SWAP70: variants seen among roughly 807,000 people sequenced by gnomAD.
SWAP70 encodes the protein switch-associated protein 70.
SWAP70 carries 34 observed loss-of-function variants against 80.2 expected under a neutral mutation model. The ratio of observed to expected loss-of-function variants is 0.42; its 90% CI spans 0.32 to 0.56. The LOEUF is 0.56. Among genes scored for constraint, SWAP70 ranks in the 20% least tolerant of loss-of-function variants. The pLI is 0.09. For synonymous variants in SWAP70, 239 were observed against 238.5 expected (o/e 1.00, Z -0.02); for missense variants, 578 against 690.7 (o/e 0.84, Z 1.83).
intron 4 of SWAP70, 100 bp from the exon 5 acceptor site, chr11:9,727,953 T>A: frequency 8.7e-7 from 1 of 1,154,210 alleles, no homozygotes; most frequent in Non-Finnish European, 1.2e-6. Flanking sequence ...GTTTTCAGGA[T>A]CATATATCAA....
At chr11:9,730,288 A>G (rs1190179570) in intron 6 of SWAP70, among the ~76,000 whole-genome samples, 1 of 151,252 alleles carries the variant, frequency 6.6e-6, no homozygotes, top group Non-Finnish European at 1.5e-5. Flanking sequence ...TGGGAGATCG[A>G]GACCATCCTG....
chr11:9,684,706 A>G (rs1850609365), intron 1 of SWAP70, among the ~76,000 whole-genome samples: 2 of 152,202 alleles, frequency 1.3e-5, no homozygotes, highest in Admixed American at 6.5e-5. Context: ...GATTCCAATT[A>G]AAAATTCTTC....
intron 1 of SWAP70, among the ~76,000 whole-genome samples, chr11:9,680,487 C>T (rs1850553612): frequency 6.6e-6 from 1 of 152,176 alleles, no homozygotes; most frequent in African/African-American, 2.4e-5. Context: ...ATGATCTTGG[C>T]TCACTGCAAC....
At chr11:9,707,876 TTA>T (rs199796766) in intron 2 of SWAP70, among the ~76,000 whole-genome samples, 33,330 of 147,392 alleles carry the variant, frequency 0.23, 4,836 homozygotes, top group Non-Finnish European at 0.32. Context: ...TTTAAAAAAT[TTA>T]AAAAAAAATT....
At chr11:9,732,817 AG>A in intron 7 of SWAP70, 107 bp downstream of exon 7, 1 of 1,077,712 alleles carries the variant, frequency 9.3e-7, no homozygotes, top group Non-Finnish European at 1.3e-6. Flanking sequence ...GTGCAGTTTT[AG>A]GGAGATACTT....
At chr11:9,682,595 A>G (rs1850581244) in intron 1 of SWAP70, among the ~76,000 whole-genome samples, 1 of 152,340 alleles carries the variant, frequency 6.6e-6, no homozygotes, top group Admixed American at 6.5e-5. Context: ...TTCTTTTTAT[A>G]AATGTTTAGA....
intron 1 of SWAP70, among the ~76,000 whole-genome samples, chr11:9,671,421 A>ATAT (rs1565109247): frequency 2.3e-5 from 2 of 86,362 alleles, no homozygotes; most frequent in South Asian, 4.1e-4. Flanking sequence ...TATATTTATA[A>ATAT]ATATATATAT....
At chr11:9,674,386 A>G (rs190496156) in intron 1 of SWAP70, among the ~76,000 whole-genome samples, 2 of 152,216 alleles carry the variant, frequency 1.3e-5, no homozygotes, top group East Asian at 3.9e-4. Context: ...AAATCGAACT[A>G]TAGAACACAG....
chr11:9,679,825 C>T (rs186588394), intron 1 of SWAP70, among the ~76,000 whole-genome samples: 91 of 152,104 alleles, frequency 6.0e-4, no homozygotes, highest in Middle Eastern at 3.4e-3. Context: ...CCCGCCACCA[C>T]GCCTGGCAAA....
intron 1 of SWAP70, among the ~76,000 whole-genome samples, 194 bp downstream of exon 1, chr11:9,664,472 C>A (rs575230557): frequency 6.6e-6 from 1 of 152,370 alleles, no homozygotes; most frequent in East Asian, 1.9e-4. Flanking sequence ...GCCTTCGGGC[C>A]ATGCCCTCGG....
At chr11:9,719,631 A>G (rs1368434976) in intron 3 of SWAP70, among the ~76,000 whole-genome samples, 1 of 152,258 alleles carries the variant, frequency 6.6e-6, no homozygotes, top group African/African-American at 2.4e-5. Context: ...TGACTTACAT[A>G]GTGAAGTTAA....
chr11:9,721,381 A>G (rs2133802502), intron 3 of SWAP70, among the ~76,000 whole-genome samples: 1 of 152,216 alleles, frequency 6.6e-6, no homozygotes, highest in East Asian at 1.9e-4. Context: ...TGCTGTTTTT[A>G]GGGTATAAGA....
intron 10 of SWAP70, 87 bp downstream of exon 10, chr11:9,748,143 A>G (rs1255202481): frequency 1.5e-6 from 2 of 1,352,250 alleles, no homozygotes; most frequent in South Asian, 1.3e-5. Flanking sequence ...AGCTGCCAAT[A>G]TGAAGCTGTA....
At position 9,752,509 on chromosome 11, in the gene SWAP70, C is replaced by G. The variant is rs1483375459; in HGVS notation, c.*2539C>G. On this transcript the variant is annotated 3_prime_UTR_variant, in exon 12 of 12. Coordinates refer to ENST00000318950, the MANE Select transcript of SWAP70 (RefSeq NM_015055.4). Reference sequence around the variant, plus strand: ...AATATCCTTTTAAACAGTGCTTTGGCTAAGATAGATACTTGTGAATCAAAG... The same window carrying G: ...AATATCCTTTTAAACAGTGCTTTGGGTAAGATAGATACTTGTGAATCAAAG... 6.6e-6 allele frequency: 1 copy of G among 152,222 alleles called. No individual in the cohort carries two copies. The highest frequency in any genetic ancestry group is 1.5e-5 in the Non-Finnish European group (1 of 68,048). 9.4% of individuals were successfully genotyped at this position (152,222 alleles called of 1,614,324 possible). A position where few individuals can be genotyped will look rare whatever the true frequency, so the allele number is the denominator to read the frequency against.
intron 2 of SWAP70, among the ~76,000 whole-genome samples, chr11:9,708,349 G>A (rs1850951059): frequency 6.6e-6 from 1 of 152,146 alleles, no homozygotes. Context: ...TAACAGGTGT[G>A]AGGTGATATC....
At chr11:9,686,459 C>T (rs1850634447) in intron 1 of SWAP70, among the ~76,000 whole-genome samples, 3 of 151,960 alleles carry the variant, frequency 2.0e-5, no homozygotes, top group Non-Finnish European at 2.9e-5. Flanking sequence ...CTCCTGGGCT[C>T]ATTTGATTCT....
At chr11:9,674,781 G>A (rs540669367) in intron 1 of SWAP70, among the ~76,000 whole-genome samples, 1 of 151,712 alleles carries the variant, frequency 6.6e-6, no homozygotes, top group South Asian at 2.1e-4. Flanking sequence ...TGGCTAACAC[G>A]GTGAAACCCC....
At chr11:9,711,584 G>A (rs1413593248) in intron 2 of SWAP70, among the ~76,000 whole-genome samples, 1 of 152,166 alleles carries the variant, frequency 6.6e-6, no homozygotes, top group Non-Finnish European at 1.5e-5. Flanking sequence ...TCAGCCAGTA[G>A]AACTTTGAAT....
chr11:9,694,325 G>A (rs1215725714), intron 2 of SWAP70, 39 bp downstream of exon 2: 2 of 1,552,674 alleles, frequency 1.3e-6, no homozygotes, highest in South Asian at 2.5e-5. Context: ...GCATTGTTTG[G>A]TTTGCATGTT....
Sources: allele counts gnomAD v4.1 joint callset (sites outside exome capture counted in the v4.1 genomes callset), GRCh38; gene constraint gnomAD v4.1.1; transcripts MANE v1.5; gene names NCBI Gene and HGNC (gene_info 2026-07-23, HGNC 2026-07-21).